Variants in DYNC2H1 observed in about 807,000 individuals in gnomAD.
DYNC2H1 encodes dynein cytoplasmic 2 heavy chain 1, also known as cytoplasmic dynein 2 heavy chain 1.
Under a neutral mutation model 570.0 loss-of-function variants are expected in DYNC2H1, and 410 were observed. The observed-to-expected ratio is 0.72, with a 90% CI of 0.66 to 0.78. The LOEUF (loss-of-function observed/expected upper bound fraction) is 0.78, where lower values mean the gene tolerates loss of function less well. Ranked by LOEUF, DYNC2H1 falls within the 30% of genes least tolerant of loss-of-function variation. The pLI, the probability that DYNC2H1 is intolerant of heterozygous loss-of-function variation, is 0.00. For synonymous variants in DYNC2H1, 1,688 were observed against 1,677.6 expected (o/e 1.01, Z -0.15); for missense variants, 4,865 against 5,046.4 (o/e 0.96, Z 1.09).
In DYNC2H1 at chr11:103,343,865, G is replaced by A. The variant is rs184601630; in HGVS notation, c.12040-14378G>A. 5.5e-3 allele frequency among the ~76,000 whole-genome samples: 841 copies of A among 152,292 alleles called. 3 individuals are homozygous for A. The highest frequency in any genetic ancestry group is 0.014 in the Middle Eastern group (4 of 294). On this transcript the variant is annotated intron_variant, in intron 82 of 88. Coordinates refer to ENST00000375735, the MANE Select transcript of DYNC2H1 (RefSeq NM_001377.3). ...AGTGCTTTTCCTATATTGAGTTTGTGATTTGGTTTCATGGCTATAAGAGAA... is the reference window on the plus strand; with the variant it reads ...AGTGCTTTTCCTATATTGAGTTTGTAATTTGGTTTCATGGCTATAAGAGAA...
rs1181724996 is a variant in DYNC2H1 at position 103,201,738 on chromosome 11, T to G, written c.8197+1584T>G. ...TTGGTGTCTTCCTGGGGAGGACACT[T>G]GCGAATTCCTATATTTCTTCCTTTT... is the stretch of plus-strand genomic sequence containing the variant. On this transcript the variant is annotated intron_variant, in intron 50 of 88. Transcript: ENST00000375735. This position sits in a 1 kb window ranked among gnomAD's most constrained non-coding sequence, Gnocchi z 4.8. Among the ~76,000 whole-genome samples the G allele has an allele frequency of 6.6e-6, 1 of 152,136 alleles. No individual in the cohort carries two copies. The highest frequency in any genetic ancestry group is 1.5e-5 in the Non-Finnish European group (1 of 68,012).
intron 70 of DYNC2H1, among the ~76,000 whole-genome samples, chr11:103,262,213 A>G (rs116301325): frequency 0.015 from 2,268 of 152,328 alleles, 62 homozygotes; most frequent in African/African-American, 0.051. Context: ...AAAAGACTAA[A>G]TCTGCATTTG....
At chr11:103,390,726 A>G (rs1942109443) in intron 83 of DYNC2H1, among the ~76,000 whole-genome samples, 1 of 152,096 alleles carries the variant, frequency 6.6e-6, no homozygotes, top group Admixed American at 6.6e-5. Flanking sequence ...TTGCTTGTCT[A>G]TAAAGTATTT....
intron 85 of DYNC2H1, 30 bp from the exon 86 acceptor site, chr11:103,455,156 A>G: frequency 6.5e-7 from 1 of 1,528,826 alleles, no homozygotes; most frequent in East Asian, 2.3e-5. Context: ...GTGTGTGTGT[A>G]TTTATATGTT....
intron 84 of DYNC2H1, among the ~76,000 whole-genome samples, chr11:103,416,319 A>C (rs1247890121): frequency 6.6e-6 from 1 of 150,418 alleles, no homozygotes; most frequent in Non-Finnish European, 1.5e-5. Flanking sequence ...TAATAATAAA[A>C]AAGAAAAAAC....
rs776407305 is a variant in DYNC2H1 at position 103,223,087 on chromosome 11, G to A, written c.9353+1G>A. 10 of 1,602,036 alleles carry A rather than the reference G, an allele frequency of 6.2e-6. No individual in the cohort carries two copies. Among genetic ancestry groups the A allele is most frequent in the East Asian group, 4.5e-5 (2 of 44,276 alleles). On this transcript the variant is annotated splice_donor_variant, in intron 59 of 88. Transcript: ENST00000375735. LOFTEE classifies it high-confidence loss of function. ...AAACTGAACAGGCAGGATTAGAATC[G>A]TAAGTGAAATATAAAATATAAACAA...
intron 82 of DYNC2H1, among the ~76,000 whole-genome samples, chr11:103,356,234 A>T (rs999730673): frequency 1.3e-5 from 2 of 152,232 alleles, no homozygotes; most frequent in East Asian, 3.8e-4. Flanking sequence ...AGATAAATAT[A>T]TGTGGTAGAT....
intron 84 of DYNC2H1, among the ~76,000 whole-genome samples, chr11:103,413,837 T>TTTATATCCCTAACTTA (rs1315127456): frequency 5.9e-5 from 9 of 152,232 alleles, no homozygotes; most frequent in Non-Finnish European, 1.3e-4. Flanking sequence ...GGAATTTTCC[T>TTTATATCCCTAACTTA]TTATATCCCT....
At chr11:103,366,035 C>G (rs1940891288) in intron 83 of DYNC2H1, among the ~76,000 whole-genome samples, 1 of 152,136 alleles carries the variant, frequency 6.6e-6, no homozygotes, top group Non-Finnish European at 1.5e-5. Flanking sequence ...TTAAACTTCC[C>G]TTTCTGTAAA....
At chr11:103,322,792 T>C (rs993293392) in intron 81 of DYNC2H1, among the ~76,000 whole-genome samples, 4 of 152,202 alleles carry the variant, frequency 2.6e-5, no homozygotes, top group African/African-American at 7.2e-5. Context: ...AGCTTTCTAA[T>C]TGAGTTAGAT....
intron 19 of DYNC2H1, 47 bp downstream of exon 19, chr11:103,147,934 A>G (rs749991795): frequency 7.8e-7 from 1 of 1,275,044 alleles, no homozygotes; most frequent in Admixed American, 2.0e-5. Flanking sequence ...TGATATGTAG[A>G]AGCATGTACT....
chr11:103,371,360 G>C (rs1941138641), intron 83 of DYNC2H1, among the ~76,000 whole-genome samples: 3 of 152,188 alleles, frequency 2.0e-5, no homozygotes, highest in Admixed American at 1.3e-4. Flanking sequence ...AGAGGAGGTA[G>C]AGAAAGAGAT....
intron 83 of DYNC2H1, among the ~76,000 whole-genome samples, chr11:103,379,899 T>C (rs1941567013): frequency 6.6e-6 from 1 of 152,218 alleles, no homozygotes; most frequent in African/African-American, 2.4e-5. Context: ...ATAATTTCCA[T>C]AAAAGTTATG....
At chr11:103,169,499 C>G (rs186602528) in intron 32 of DYNC2H1, among the ~76,000 whole-genome samples, 111 of 152,034 alleles carry the variant, frequency 7.3e-4, no homozygotes, top group African/African-American at 2.7e-3. Flanking sequence ...TGTTAATAAA[C>G]CTATGTTAGG....
intron 46 of DYNC2H1, 23 bp downstream of exon 46, chr11:103,191,642 TTGTGTG>T (rs146014868): frequency 5.8e-6 from 8 of 1,368,422 alleles, no homozygotes; most frequent in African/African-American, 2.8e-5. Context: ...AGTGTGTATC[TTGTGTG>T]TGTGTGTGTG....
chr11:103,122,945 G>T lies in DYNC2H1; in HGVS notation c.1606G>T (p.Asp536Tyr), dbSNP rs1730665628. Residue 536 changes from aspartate (D) to tyrosine (Y), a missense_variant, in exon 11 of 89, where the codon GAT becomes TAT. Transcript: ENST00000375735. ...TAAACTATATGAACAGGAACAATTT[G>T]ATGATTGGTCCAGGGATATTCAATC... ...QLKLYEQEQF[D>Y]DWSRDIQSGL... The T allele has an allele frequency of 6.2e-7, 1 of 1,609,038 alleles. No homozygotes were observed. The highest frequency in any genetic ancestry group is 1.3e-5 in the African/African-American group (1 of 74,850).
At chr11:103,394,580 A>G (rs1942311854) in intron 83 of DYNC2H1, among the ~76,000 whole-genome samples, 1 of 152,058 alleles carries the variant, frequency 6.6e-6, no homozygotes, top group Non-Finnish European at 1.5e-5. Flanking sequence ...AGAAAATAGC[A>G]TTATGAGTTT....
chr11:103,405,354 G>A (rs1374526084), intron 84 of DYNC2H1: 2 of 151,942 alleles, frequency 1.3e-5, no homozygotes, highest in African/African-American at 4.8e-5. Flanking sequence ...TGGTAATAAA[G>A]TTAATGGCTC....
At chr11:103,260,341 C>T (rs550006822) in intron 70 of DYNC2H1, among the ~76,000 whole-genome samples, 139 of 152,222 alleles carry the variant, frequency 9.1e-4, no homozygotes, top group African/African-American at 3.2e-3. Context: ...TTGTTCTGTG[C>T]GTTTTAGGAT....
Sources: allele counts gnomAD v4.1 joint callset (sites outside exome capture counted in the v4.1 genomes callset), GRCh38; gene constraint gnomAD v4.1.1; non-coding constraint Gnocchi (gnomAD v3.1); transcripts MANE v1.5; gene names NCBI Gene and HGNC (gene_info 2026-07-23, HGNC 2026-07-21).